Variants in LOC128125814 observed in about 807,000 individuals in gnomAD.
At chr12:57,518,942 G>A in the LOC128125814 span, among the ~76,000 whole-genome samples, 1 of 152,208 alleles carries the variant, frequency 6.6e-6, no homozygotes, top group Non-Finnish European at 1.5e-5. Context: ...TTACAGGTGT[G>A]AGCCACCATG....
the LOC128125814 span, among the ~76,000 whole-genome samples, chr12:57,518,749 G>T: frequency 6.6e-6 from 1 of 152,124 alleles, no homozygotes; most frequent in Non-Finnish European, 1.5e-5. Flanking sequence ...ACCTCCGCCT[G>T]CTGGGTTCAA....
the LOC128125814 span, among the ~76,000 whole-genome samples, chr12:57,518,508 G>T: frequency 3.5e-4 from 54 of 152,300 alleles, no homozygotes; most frequent in Middle Eastern, 6.8e-3. Flanking sequence ...AGGCACCTAA[G>T]ACTATGTGCA....
At chr12:57,520,110 C>G in the LOC128125814 span, among the ~76,000 whole-genome samples, 1 of 152,224 alleles carries the variant, frequency 6.6e-6, no homozygotes, top group Non-Finnish European at 1.5e-5. Flanking sequence ...TGCCTCCCCG[C>G]GGACAGGCCT....
At chr12:57,518,809 C>G in the LOC128125814 span, among the ~76,000 whole-genome samples, 1 of 152,206 alleles carries the variant, frequency 6.6e-6, no homozygotes, top group East Asian at 1.9e-4. Flanking sequence ...CAGGCATGCA[C>G]TGCCATGCCC....
the LOC128125814 span, among the ~76,000 whole-genome samples, chr12:57,518,070 C>G: frequency 6.6e-6 from 1 of 152,052 alleles, no homozygotes; most frequent in South Asian, 2.1e-4. Flanking sequence ...TGTGATCCAT[C>G]GCTTCCCAAA....
the LOC128125814 span, chr12:57,519,117 C>T: frequency 1.9e-6 from 1 of 532,426 alleles, no homozygotes. Flanking sequence ...TCTTCTCTTG[C>T]CACCCCTCCG....
At chr12:57,519,563 G>C in the LOC128125814 span, among the ~76,000 whole-genome samples, 31 of 152,312 alleles carry the variant, frequency 2.0e-4, no homozygotes. Context: ...AATATTGCCC[G>C]AAGTATTTCT....
chr12:57,519,016 A>G, the LOC128125814 span: 1 of 507,962 alleles, frequency 2.0e-6, no homozygotes, highest in Non-Finnish European at 3.9e-6. Context: ...GAATCTAAAC[A>G]CTTCTAATTC....
the LOC128125814 span, among the ~76,000 whole-genome samples, chr12:57,518,725 A>G: frequency 2.1e-4 from 32 of 152,214 alleles, no homozygotes; most frequent in Non-Finnish European, 4.4e-4. Context: ...CAGTGGCGCA[A>G]TCGGCTCACT....
the LOC128125814 span, among the ~76,000 whole-genome samples, chr12:57,519,601 C>G: frequency 1.3e-5 from 2 of 152,342 alleles, no homozygotes; most frequent in African/African-American, 4.8e-5. Flanking sequence ...CTGGGGAACC[C>G]TCCCTTGCCT....
At chr12:57,518,651 G>C in the LOC128125814 span, among the ~76,000 whole-genome samples, 10 of 152,082 alleles carry the variant, frequency 6.6e-5, no homozygotes, top group Admixed American at 6.6e-4. Context: ...CAAAGTACTA[G>C]CAAATTTTAA....
At chr12:57,519,704 CAG>C in the LOC128125814 span, among the ~76,000 whole-genome samples, 1 of 152,214 alleles carries the variant, frequency 6.6e-6, no homozygotes, top group Middle Eastern at 3.2e-3. Context: ...AATGGTTACA[CAG>C]AGATTAGCTG....
the LOC128125814 span, among the ~76,000 whole-genome samples, chr12:57,518,041 G>T: frequency 3.9e-5 from 6 of 152,134 alleles, no homozygotes; most frequent in Admixed American, 2.0e-4. Flanking sequence ...TGGCCAGGAT[G>T]GTCTCCATCT....
chr12:57,518,864 G>GCCC, the LOC128125814 span, among the ~76,000 whole-genome samples: 4 of 152,066 alleles, frequency 2.6e-5, no homozygotes, highest in African/African-American at 9.7e-5. Flanking sequence ...TCACCATGTT[G>GCCC]GCCAGGCTGG....
At chr12:57,519,306 C>T in the LOC128125814 span, 1 of 458,196 alleles carries the variant, frequency 2.2e-6, no homozygotes, top group South Asian at 1.6e-5. Flanking sequence ...CCATCCTGAA[C>T]ATTCTCCATT....
chr12:57,517,737 C>T, the LOC128125814 span: 1 of 509,090 alleles, frequency 2.0e-6, no homozygotes, highest in Admixed American at 3.6e-5. Context: ...TATGAAGATA[C>T]ACTTCCTTCT....
At chr12:57,519,481 C>T in the LOC128125814 span, among the ~76,000 whole-genome samples, 4 of 152,158 alleles carry the variant, frequency 2.6e-5, no homozygotes. Flanking sequence ...TGGATAAACT[C>T]CCCCCAGTCT....
chr12:57,519,853 A>C, the LOC128125814 span, among the ~76,000 whole-genome samples: 1 of 152,316 alleles, frequency 6.6e-6, no homozygotes, highest in Non-Finnish European at 1.5e-5. Context: ...CCTCTACGGC[A>C]AAAGGAAAAC....
chr12:57,519,261 G>A, the LOC128125814 span: 17 of 526,014 alleles, frequency 3.2e-5, no homozygotes, highest in Non-Finnish European at 6.6e-5. Context: ...ATTACCTAAG[G>A]TAATTCCTGA....
Sources: gnomAD v4.1 joint callset for allele counts (sites outside exome capture counted in the v4.1 genomes callset) on GRCh38, gnomAD v4.1.1 for gene constraint, MANE v1.5 for transcripts.